The following RFX3 variants were observed in gnomAD, a reference collection of about 807,000 sequenced individuals.
RFX3 encodes the protein regulatory factor X3.
A neutral mutation model predicts 98.6 loss-of-function variants in RFX3; 14 were observed. That is an observed-to-expected ratio of 0.14 (90% CI 0.09 to 0.22). The LOEUF (loss-of-function observed/expected upper bound fraction) is 0.22, where lower values mean the gene tolerates loss of function less well. Ranked by LOEUF, RFX3 falls within the 10% of genes least tolerant of loss-of-function variation. The pLI is 1.00. For synonymous variants in RFX3, 383 were observed against 328.4 expected (o/e 1.17, Z -1.80); for missense variants, 639 against 926.9 (o/e 0.69, Z 4.03).
At chr9:3,239,239 T>C (rs1819592224) in intron 15 of RFX3, among the ~76,000 whole-genome samples, 1 of 152,210 alleles carries the variant, frequency 6.6e-6, no homozygotes, top group Admixed American at 6.5e-5. Flanking sequence ...TAATTTCTAG[T>C]TTTATAATAT....
chr9:3,231,072 A>G (rs1026632950), intron 15 of RFX3, among the ~76,000 whole-genome samples: 5 of 152,216 alleles, frequency 3.3e-5, no homozygotes, highest in African/African-American at 1.2e-4. Flanking sequence ...TGTTATTATC[A>G]TTAACAAAAA....
chr9:3,350,599 A>C (rs1834990808), intron 2 of RFX3, among the ~76,000 whole-genome samples: 1 of 152,168 alleles, frequency 6.6e-6, no homozygotes, highest in Non-Finnish European at 1.5e-5. Flanking sequence ...ACGTATACAC[A>C]AAAACAGGCA....
At chr9:3,298,308 T>A (rs1413940604) in intron 5 of RFX3, among the ~76,000 whole-genome samples, 1 of 151,858 alleles carries the variant, frequency 6.6e-6, no homozygotes, top group South Asian at 2.1e-4. Flanking sequence ...ACTCAGATGG[T>A]ATACCAGAAG....
At chr9:3,415,192 C>CATAT (rs560950256) in intron 1 of RFX3, among the ~76,000 whole-genome samples, 21 of 129,970 alleles carry the variant, frequency 1.6e-4, no homozygotes, top group African/African-American at 4.8e-4. Context: ...TACACATACT[C>CATAT]ATATATATAT....
intron 15 of RFX3, among the ~76,000 whole-genome samples, chr9:3,237,810 G>T (rs1381480994): frequency 6.6e-6 from 1 of 152,156 alleles, no homozygotes; most frequent in Non-Finnish European, 1.5e-5. Flanking sequence ...CAGGAGTGGA[G>T]CACAGCATGG....
At chr9:3,363,540 A>G (rs1836703344) in intron 2 of RFX3, among the ~76,000 whole-genome samples, 1 of 152,228 alleles carries the variant, frequency 6.6e-6, no homozygotes, top group South Asian at 2.1e-4. Flanking sequence ...ACTATAGTCT[A>G]AATAGCAGAA....
At position 3,220,761 on chromosome 9, in the gene RFX3, G is replaced by C. The variant is rs1360738959; in HGVS notation, c.*4281C>G. 6.6e-6 allele frequency: 1 copy of C among 151,970 alleles called. No homozygotes were observed. Among genetic ancestry groups the C allele is most frequent in the Non-Finnish European group, 1.5e-5 (1 of 68,012 alleles). 9.4% of individuals were successfully genotyped at this position (151,970 alleles called of 1,614,324 possible). On this transcript the variant is annotated 3_prime_UTR_variant, in exon 17 of 17. Coordinates refer to ENST00000617270, the MANE Select transcript of RFX3 (RefSeq NM_001282116.2). ...ATTGTATATCTTACAATGCTCAAAG[G>C]GTTAATACAAGGCATTACATCAAAG...
chr9:3,451,499 A>G (rs1235168577), intron 1 of RFX3, among the ~76,000 whole-genome samples: 2 of 152,206 alleles, frequency 1.3e-5, no homozygotes, highest in African/African-American at 4.8e-5. Context: ...AGCTACGATT[A>G]CGCCACTGCA....
Position 3,504,231 on chromosome 9 carries a change from T to G in RFX3, c.-9+21516A>C, listed in dbSNP as rs1352138386. Among the ~76,000 whole-genome samples, 151 of 133,980 alleles carry G rather than the reference T, an allele frequency of 1.1e-3. 1 individual carries two copies. Among genetic ancestry groups the G allele is most frequent in the African/African-American group, 4.1e-3 (146 of 35,416 alleles). The allele number at this position is 133,980 out of a possible 152,430, so 87.9% of individuals were successfully genotyped here. ...ATATATTATATACTATATTATATAC[T>G]ATATATTATATATATATTTTATATA... On this transcript the variant is annotated intron_variant, in intron 1 of 16. Transcript: ENST00000617270.
At chr9:3,487,992 T>C (rs1177091417) in intron 1 of RFX3, among the ~76,000 whole-genome samples, 2 of 152,148 alleles carry the variant, frequency 1.3e-5, no homozygotes, top group Admixed American at 6.5e-5. Flanking sequence ...ATGACCTTTG[T>C]GTAGCATGAC....
chr9:3,513,041 A>C (rs1219448205), intron 1 of RFX3, among the ~76,000 whole-genome samples: 1 of 152,058 alleles, frequency 6.6e-6, no homozygotes, highest in East Asian at 1.9e-4. Context: ...TCATTTCTTT[A>C]TGCTCCTTAA....
chr9:3,456,897 C>T (rs184466635), intron 1 of RFX3, among the ~76,000 whole-genome samples: 65 of 151,640 alleles, frequency 4.3e-4, no homozygotes, highest in Non-Finnish European at 8.0e-4. Flanking sequence ...GCCTGTAATC[C>T]CAGCACTCTG....
intron 4 of RFX3, among the ~76,000 whole-genome samples, chr9:3,315,284 T>TA (rs201067429): frequency 0.24 from 36,893 of 151,932 alleles, 6,641 homozygotes; most frequent in African/African-American, 0.51. Context: ...ACTGGGTACA[T>TA]ACGAAATGAA....
chr9:3,256,911 C>T (rs1322450591), intron 14 of RFX3, 80 bp downstream of exon 14: 4 of 1,306,952 alleles, frequency 3.1e-6, no homozygotes, highest in Non-Finnish European at 4.3e-6. Flanking sequence ...TTTCTTTTGT[C>T]ACAGAAGCAT....
At chr9:3,282,533 A>T (rs3012687) in intron 7 of RFX3, among the ~76,000 whole-genome samples, 2,446 of 151,764 alleles carry the variant, frequency 0.016, 65 homozygotes, top group African/African-American at 0.055. Flanking sequence ...TCATTTAACA[A>T]ATATTTAGAG....
intron 3 of RFX3, among the ~76,000 whole-genome samples, chr9:3,341,940 C>A (rs992611280): frequency 2.0e-5 from 3 of 152,104 alleles, no homozygotes; most frequent in Non-Finnish European, 1.5e-5. Flanking sequence ...AAGAAGAAAG[C>A]ATAATTTCAC....
At chr9:3,362,867 C>T (rs1366277341) in intron 2 of RFX3, among the ~76,000 whole-genome samples, 7 of 152,000 alleles carry the variant, frequency 4.6e-5, no homozygotes, top group Non-Finnish European at 1.5e-5. Flanking sequence ...GTTTCAAAGG[C>T]GAGAGGGGGA....
rs1183469765 is a variant in RFX3, at chr9:3,220,533, T to C, written c.*4509A>G. ...TCTGTAAACAGTACACTTACTTAGATGGCAGTGAATATTTGGGAATAAATA... is the reference window on the plus strand; with the variant it reads ...TCTGTAAACAGTACACTTACTTAGACGGCAGTGAATATTTGGGAATAAATA... On this transcript the variant is annotated 3_prime_UTR_variant, in exon 17 of 17. Coordinates refer to ENST00000617270, the MANE Select transcript of RFX3 (RefSeq NM_001282116.2). 2 of 152,022 alleles carry C rather than the reference T, an allele frequency of 1.3e-5. No homozygotes were observed. The highest frequency in any genetic ancestry group is 2.9e-5 in the Non-Finnish European group (2 of 68,000). The allele number at this position is 152,022 out of a possible 1,614,324, so 9.4% of individuals were successfully genotyped here. A position where few individuals can be genotyped will look rare whatever the true frequency, so the allele number is the denominator to read the frequency against.
chr9:3,428,653 G>C (rs1764230558), intron 1 of RFX3, among the ~76,000 whole-genome samples: 1 of 152,052 alleles, frequency 6.6e-6, no homozygotes, highest in African/African-American at 2.4e-5. Context: ...TTTGAAGTTA[G>C]TCTGATCTCA....
Sources: allele counts gnomAD v4.1 joint callset (sites outside exome capture counted in the v4.1 genomes callset), GRCh38; gene constraint gnomAD v4.1.1; transcripts MANE v1.5; gene names NCBI Gene and HGNC (gene_info 2026-07-23, HGNC 2026-07-21).